The following NCOA7 variants were observed in gnomAD, a reference collection of about 807,000 sequenced individuals.
NCOA7 encodes 140 kDa estrogen receptor-associated protein.
NCOA7 carries 45 observed loss-of-function variants against 104.3 expected under a neutral mutation model. That is an observed-to-expected ratio of 0.43 (90% confidence interval 0.34 to 0.55). The LOEUF (loss-of-function observed/expected upper bound fraction) is 0.55, where lower values mean the gene tolerates loss of function less well. NCOA7 is among the 20% of genes least tolerant of loss of function. The pLI is 0.02. For missense variants in NCOA7, 1,041 were observed against 1,119.7 expected, an observed-to-expected ratio of 0.93 and a Z score of 1.00; for synonymous variants, 398 against 402.3, an observed-to-expected ratio of 0.99 and a Z score of 0.13.
intron 3 of NCOA7, among the ~76,000 whole-genome samples, chr6:125,871,333 C>T (rs1173214335): frequency 6.6e-6 from 1 of 152,200 alleles, no homozygotes; most frequent in African/African-American, 2.4e-5. Flanking sequence ...CAGCTCATGC[C>T]TCGTCCTAGA....
intron 2 of NCOA7, among the ~76,000 whole-genome samples, chr6:125,838,620 A>G (rs1167524502): frequency 6.6e-6 from 1 of 152,132 alleles, no homozygotes; most frequent in East Asian, 1.9e-4. Flanking sequence ...TGGTTCTCCA[A>G]CACCAGTTGA....
At chr6:125,901,239 A>C (rs1323744915) in intron 10 of NCOA7, among the ~76,000 whole-genome samples, 1 of 152,188 alleles carries the variant, frequency 6.6e-6, no homozygotes, top group Non-Finnish European at 1.5e-5. Flanking sequence ...ATAGCTATTA[A>C]ATTGTTTAAT....
intron 1 of NCOA7, among the ~76,000 whole-genome samples, chr6:125,782,679 C>T (rs978280036): frequency 6.6e-6 from 1 of 152,132 alleles, no homozygotes; most frequent in East Asian, 1.9e-4. Flanking sequence ...TTTCTTCTGG[C>T]AGGACAACTA....
chr6:125,890,753 AGCAGT>A lies in NCOA7; in HGVS notation c.2040_2044del (p.Gln681ArgfsTer54). Reference sequence around the variant, plus strand: ...GCCACTCACACTGCAGCCATGGTCCAGCAGTACGGCAAACGGAGAAAGCAGCCAGA... The same window carrying A: ...GCCACTCACACTGCAGCCATGGTCCAACGGCAAACGGAGAAAGCAGCCAGA... On this transcript the variant is annotated frameshift_variant, in exon 10 of 16. Coordinates refer to ENST00000392477, the MANE Select transcript of NCOA7 (RefSeq NM_181782.5). LOFTEE classifies it high-confidence loss of function. 6.2e-7 allele frequency: 1 copy of A among 1,613,644 alleles called. No individual in the cohort carries two copies. The highest frequency in any genetic ancestry group is 8.5e-7 in the Non-Finnish European group (1 of 1,179,808).
chr6:125,832,402 A>C (rs1322056126), intron 2 of NCOA7, among the ~76,000 whole-genome samples: 4 of 152,192 alleles, frequency 2.6e-5, no homozygotes, highest in Non-Finnish European at 4.4e-5. Flanking sequence ...GGAGCCCCCA[A>C]ATACTTTACT....
rs1788355561 is a variant in NCOA7, at chr6:125,929,801, A to G, written c.*1030A>G. The G allele has an allele frequency of 6.6e-6, 1 of 152,158 alleles. No individual in the cohort carries two copies. The highest frequency in any genetic ancestry group is 2.1e-4 in the South Asian group (1 of 4,826). The allele number at this position is 152,158 out of a possible 1,614,324, so 9.4% of individuals were successfully genotyped here. A position where few individuals can be genotyped will look rare whatever the true frequency, so the allele number is the denominator to read the frequency against. On this transcript the variant is annotated 3_prime_UTR_variant, in exon 16 of 16. Coordinates refer to ENST00000392477, the MANE Select transcript of NCOA7 (RefSeq NM_181782.5). Reference sequence around the variant, plus strand: ...CATTTGTGTTAATAACAAAAACTTTATTTTCGGAGTGTTCTTTGTATAACT... The same window carrying G: ...CATTTGTGTTAATAACAAAAACTTTGTTTTCGGAGTGTTCTTTGTATAACT...
chr6:125,930,926 A>G lies in NCOA7; in HGVS notation c.*2155A>G, dbSNP rs1475462916. 2.6e-5 allele frequency: 4 copies of G among 152,674 alleles called. No homozygotes were observed. The highest frequency in any genetic ancestry group is 5.9e-5 in the Non-Finnish European group (4 of 68,050). 9.5% of individuals were successfully genotyped at this position (152,674 alleles called of 1,614,324 possible). On this transcript the variant is annotated 3_prime_UTR_variant, in exon 16 of 16. Coordinates refer to ENST00000392477, the MANE Select transcript of NCOA7 (RefSeq NM_181782.5). Reference sequence around the variant, plus strand: ...AAAAAACAAAATGGTCATTTTGCATATACTTCACTCTGACCTAGTTTAGTC... The same window carrying G: ...AAAAAACAAAATGGTCATTTTGCATGTACTTCACTCTGACCTAGTTTAGTC...
rs1436488295 is a variant in NCOA7, at chr6:125,857,416, T to TAC, written c.271+2188_271+2189dup. On this transcript the variant is annotated intron_variant, in intron 3 of 15. Coordinates refer to ENST00000392477, the MANE Select transcript of NCOA7 (RefSeq NM_181782.5). ...CCACACTCAGCTATATATATACACA[T>TAC]ACACACACACACATATATATATATA... Among the ~76,000 whole-genome samples the TAC allele has an allele frequency of 7.5e-5, 11 of 146,362 alleles. No homozygotes were observed. In the East Asian group the frequency reaches 1.4e-3, roughly 18 times the overall value.
At chr6:125,861,772 C>T (rs1782068739) in intron 3 of NCOA7, among the ~76,000 whole-genome samples, 3 of 152,146 alleles carry the variant, frequency 2.0e-5, no homozygotes, top group African/African-American at 4.8e-5. Flanking sequence ...CGTGGTGGCT[C>T]ACGCCTATAA....
In NCOA7 at chr6:125,824,934, G is replaced by C. The variant is rs150727737; in HGVS notation, c.50+9530G>C. The stretch of plus-strand genomic sequence containing the variant: ...CCACCACACCCAGCTAATTTTATAG[G>C]CAGAAGCAGGAGATTCGCTTGAACC... On this transcript the variant is annotated intron_variant, in intron 2 of 15. Coordinates refer to ENST00000392477, the MANE Select transcript of NCOA7 (RefSeq NM_181782.5). 3.9e-4 allele frequency among the ~76,000 whole-genome samples: 60 copies of C among 152,184 alleles called. 1 individual carries two copies. In the East Asian group the frequency reaches 0.012, roughly 30 times the overall value.
At chr6:125,827,145 G>A (rs1221917331) in intron 2 of NCOA7, among the ~76,000 whole-genome samples, 5 of 134,440 alleles carry the variant, frequency 3.7e-5, no homozygotes, top group Non-Finnish European at 6.1e-5. Flanking sequence ...TGAGACCTGC[G>A]CCATTGCAAT....
intron 2 of NCOA7, among the ~76,000 whole-genome samples, chr6:125,827,022 G>A (rs1778715308): frequency 2.6e-5 from 4 of 151,768 alleles, no homozygotes; most frequent in Non-Finnish European, 5.9e-5. Context: ...ACATGGAGAA[G>A]CCCTGTCTCT....
At chr6:125,860,225 T>G (rs1206997789) in intron 3 of NCOA7, among the ~76,000 whole-genome samples, 4 of 152,244 alleles carry the variant, frequency 2.6e-5, no homozygotes, top group Non-Finnish European at 5.9e-5. Flanking sequence ...TTTTTCAAAA[T>G]TAGTTATTAA....
intron 10 of NCOA7, among the ~76,000 whole-genome samples, chr6:125,893,074 C>T (rs562303409): frequency 3.9e-5 from 6 of 152,288 alleles, no homozygotes; most frequent in East Asian, 1.9e-4. Flanking sequence ...ACTTAAGGCT[C>T]AACAGAAGTC....
chr6:125,886,609 G>A (rs1014226672), intron 8 of NCOA7, among the ~76,000 whole-genome samples: 1 of 152,082 alleles, frequency 6.6e-6, no homozygotes, highest in African/African-American at 2.4e-5. Context: ...ATTATTTCAG[G>A]GTTGCACATT....
intron 1 of NCOA7, among the ~76,000 whole-genome samples, chr6:125,805,134 C>T (rs1010254268): frequency 1.0e-4 from 13 of 126,642 alleles, no homozygotes; most frequent in Non-Finnish European, 1.9e-4. Flanking sequence ...CTCGCTCCGT[C>T]GCCCAGGCTG....
chr6:125,885,194 C>T lies in NCOA7; in HGVS notation c.735C>T (p.Asn245=). The change falls in exon 8 of 16, where the codon AAC becomes AAT. Residue 245 remains asparagine, a synonymous_variant. Coordinates refer to ENST00000392477, the MANE Select transcript of NCOA7 (RefSeq NM_181782.5). Reference sequence around the variant, plus strand: ...GCGGTGTTATGATAGTGACTCCTAACAACATCATGTTTGACCCTCATAAAT... The same window carrying T: ...GCGGTGTTATGATAGTGACTCCTAATAACATCATGTTTGACCCTCATAAAT... ...VVGGVMIVTP[N]NIMFDPHKSD... The T allele has an allele frequency of 1.2e-6, 2 of 1,614,008 alleles. No individual in the cohort carries two copies. The highest frequency in any genetic ancestry group is 1.1e-5 in the South Asian group (1 of 91,070).
intron 2 of NCOA7, among the ~76,000 whole-genome samples, chr6:125,842,105 G>T (rs1053096406): frequency 2.6e-5 from 4 of 152,312 alleles, no homozygotes; most frequent in African/African-American, 9.6e-5. Context: ...CTACTTATAA[G>T]TGTTTTCTGT....
chr6:125,835,663 C>G (rs189724254), intron 2 of NCOA7, among the ~76,000 whole-genome samples: 12 of 152,326 alleles, frequency 7.9e-5, no homozygotes, highest in African/African-American at 2.6e-4. Flanking sequence ...CAACTTAGAG[C>G]CGGTGCTAGG....
Sources: gnomAD v4.1 joint callset for allele counts (sites outside exome capture counted in the v4.1 genomes callset) on GRCh38, gnomAD v4.1.1 for gene constraint, MANE v1.5 for transcripts, NCBI Gene and HGNC (gene_info 2026-07-23, HGNC 2026-07-21) for gene names.